Variants in MARCHF1 observed in about 807,000 individuals in gnomAD.
MARCHF1 encodes E3 ubiquitin-protein ligase MARCHF1.
In MARCHF1, 40 loss-of-function variants were observed where a neutral mutation model predicts 54.2. That is an observed-to-expected ratio of 0.74 (90% CI 0.57 to 0.96). MARCHF1 has a LOEUF of 0.96. Ranked by LOEUF, MARCHF1 falls within the 40% of genes least tolerant of loss-of-function variation. The pLI is 0.00. For synonymous variants in MARCHF1, 236 were observed against 236.3 expected (o/e 1.00, Z 0.01); for missense variants, 586 against 656.5 (o/e 0.89, Z 1.17).
chr4:163,773,638 T>C (rs1050903577), intron 4 of MARCHF1, among the ~76,000 whole-genome samples: 9 of 152,172 alleles, frequency 5.9e-5, no homozygotes, highest in Admixed American at 2.0e-4. Flanking sequence ...TAAGAGATTG[T>C]GAAGTGTGAG....
At chr4:163,778,016 T>C (rs1031508163) in intron 4 of MARCHF1, among the ~76,000 whole-genome samples, 2 of 152,196 alleles carry the variant, frequency 1.3e-5, no homozygotes, top group Non-Finnish European at 2.9e-5. Context: ...GTAACATCAG[T>C]GAATCATGAA....
chr4:163,612,995 A>G lies in MARCHF1; in HGVS notation c.286T>C (p.Cys96Arg), dbSNP rs1242373508. The change falls in exon 7 of 10, where the codon TGC (cysteine) becomes CGC (arginine). Residue 96 changes from cysteine to arginine, a missense_variant. Cys to Arg is a radical substitution (Grantham distance 180). Coordinates refer to ENST00000514618, the MANE Select transcript of MARCHF1 (RefSeq NM_001394959.1). Reference protein sequence around the residue: ...HDMSEESFEYCTPVMVLSPAR... With the variant: ...HDMSEESFEYRTPVMVLSPAR... Reference sequence around the variant, plus strand: ...GGGCTCAGCACCATGACAGGGGTGCAATACTCAAATGACTCTTCTGACATG... The same window carrying G: ...GGGCTCAGCACCATGACAGGGGTGCGATACTCAAATGACTCTTCTGACATG... 1 of 1,524,032 alleles carries G rather than the reference A, an allele frequency of 6.6e-7. No homozygotes were observed. Among genetic ancestry groups the G allele is most frequent in the Non-Finnish European group, 8.7e-7 (1 of 1,142,986 alleles). The allele number at this position is 1,524,032 out of a possible 1,614,324, so 94.4% of individuals were successfully genotyped here. A position where few individuals can be genotyped will look rare whatever the true frequency, so the allele number is the denominator to read the frequency against.
chr4:163,544,261 A>G (rs576775160), intron 9 of MARCHF1, among the ~76,000 whole-genome samples: 2 of 152,348 alleles, frequency 1.3e-5, no homozygotes, highest in Admixed American at 6.5e-5. Flanking sequence ...TCTCTGAAAC[A>G]GTACATAATG....
chr4:164,216,049 T>C (rs1359618536), intron 1 of MARCHF1, among the ~76,000 whole-genome samples: 1 of 152,192 alleles, frequency 6.6e-6, no homozygotes, highest in Admixed American at 6.5e-5. Flanking sequence ...TGGCCCTCAG[T>C]TTTGCTTAGA....
chr4:163,949,935 C>T (rs375940065), intron 3 of MARCHF1, among the ~76,000 whole-genome samples: 2 of 152,340 alleles, frequency 1.3e-5, no homozygotes, highest in East Asian at 1.9e-4. Context: ...TGGGTACCCC[C>T]TCTCCATAGG....
At chr4:164,143,470 T>C (rs1465257770) in intron 1 of MARCHF1, among the ~76,000 whole-genome samples, 1 of 150,632 alleles carries the variant, frequency 6.6e-6, no homozygotes, top group Non-Finnish European at 1.5e-5. Context: ...TAACAGCAGA[T>C]CTCTCGGCAG....
intron 1 of MARCHF1, among the ~76,000 whole-genome samples, chr4:164,159,369 C>T (rs927772294): frequency 4.6e-5 from 7 of 151,946 alleles, no homozygotes; most frequent in Admixed American, 4.6e-4. Context: ...ATTTTCTTTA[C>T]CACAAAACGT....
At chr4:163,711,068 C>T (rs940780783) in intron 4 of MARCHF1, among the ~76,000 whole-genome samples, 13 of 151,846 alleles carry the variant, frequency 8.6e-5, no homozygotes, top group African/African-American at 3.1e-4. Flanking sequence ...TGGCAAACTT[C>T]TTAATAAGAC....
At chr4:163,792,871 C>G (rs1747808315) in intron 4 of MARCHF1, among the ~76,000 whole-genome samples, 1 of 152,176 alleles carries the variant, frequency 6.6e-6, no homozygotes, top group Non-Finnish European at 1.5e-5. Flanking sequence ...AAAACACTGG[C>G]CTGGGAACCA....
At chr4:164,010,421 A>T (rs1248749528) in intron 2 of MARCHF1, among the ~76,000 whole-genome samples, 1 of 152,018 alleles carries the variant, frequency 6.6e-6, no homozygotes, top group East Asian at 1.9e-4. Context: ...CTAATAAACA[A>T]ATTCAGTAAA....
intron 4 of MARCHF1, among the ~76,000 whole-genome samples, chr4:163,740,221 C>T (rs1446097638): frequency 6.6e-6 from 1 of 152,304 alleles, no homozygotes; most frequent in Non-Finnish European, 1.5e-5. Flanking sequence ...ACTTACTGCT[C>T]TAACCTGACC....
At chr4:164,161,290 C>T (rs1417369199) in intron 1 of MARCHF1, among the ~76,000 whole-genome samples, 2 of 152,092 alleles carry the variant, frequency 1.3e-5, no homozygotes, top group African/African-American at 4.8e-5. Flanking sequence ...GGTGTGCCTG[C>T]TCCCCCTTCA....
At chr4:163,665,575 T>C (rs1464221916) in intron 5 of MARCHF1, among the ~76,000 whole-genome samples, 1 of 152,150 alleles carries the variant, frequency 6.6e-6, no homozygotes, top group African/African-American at 2.4e-5. Context: ...TGTGAAGATA[T>C]TGATGGAGCG....
At chr4:164,366,670 G>T (rs1162422853) in intron 1 of MARCHF1, among the ~76,000 whole-genome samples, 1 of 151,444 alleles carries the variant, frequency 6.6e-6, no homozygotes, top group Non-Finnish European at 1.5e-5. Context: ...TTGCATTTTT[G>T]CCTCATTTTT....
chr4:163,913,263 C>A (rs544204616), intron 3 of MARCHF1, among the ~76,000 whole-genome samples: 25 of 152,238 alleles, frequency 1.6e-4, no homozygotes, highest in Admixed American at 7.2e-4. Flanking sequence ...GGTCTGGGGT[C>A]TTGATGTCAA....
At chr4:163,894,906 CATATAT>C (rs374305405) in intron 3 of MARCHF1, among the ~76,000 whole-genome samples, 1 of 2,602 alleles carries the variant, frequency 3.8e-4, no homozygotes, top group African/African-American at 7.2e-4. Context: ...GCATGTGATG[CATATAT>C]ATATATATGC....
intron 1 of MARCHF1, among the ~76,000 whole-genome samples, chr4:164,250,386 A>G (rs1579660571): frequency 6.6e-6 from 1 of 152,084 alleles, no homozygotes; most frequent in Non-Finnish European, 1.5e-5. Context: ...CAGAAAGCCA[A>G]TATAGAAGAT....
intron 3 of MARCHF1, among the ~76,000 whole-genome samples, chr4:163,982,991 C>A (rs1329695752): frequency 2.0e-5 from 3 of 152,142 alleles, no homozygotes; most frequent in Non-Finnish European, 4.4e-5. Flanking sequence ...CCAGTGAAGG[C>A]CCATCCCAAA....
At chr4:163,785,159 C>T (rs536179701) in intron 4 of MARCHF1, among the ~76,000 whole-genome samples, 23 of 151,922 alleles carry the variant, frequency 1.5e-4, no homozygotes, top group African/African-American at 2.4e-4. Context: ...AGGTCTGGTG[C>T]GCTAGAAATC....
Sources: gnomAD v4.1 joint callset for allele counts (sites outside exome capture counted in the v4.1 genomes callset) on GRCh38, gnomAD v4.1.1 for gene constraint, MANE v1.5 for transcripts, NCBI Gene and HGNC (gene_info 2026-07-23, HGNC 2026-07-21) for gene names.